The following PAM variants were observed in gnomAD, a reference collection of about 807,000 sequenced individuals.
PAM encodes the protein peptidyl-glycine alpha-amidating monooxygenase.
In PAM, 72 loss-of-function variants were observed where a neutral mutation model predicts 122.1. The ratio of observed to expected loss-of-function variants is 0.59; its 90% CI spans 0.49 to 0.72. PAM has a LOEUF of 0.72. PAM is among the 30% of genes least tolerant of loss of function. The probability of loss-of-function intolerance (pLI) is 0.00; values close to 1 mark genes in which losing one functional copy is unlikely to be tolerated. For missense variants in PAM, 1,106 were observed against 1,183.7 expected (o/e 0.93, Z 0.96); for synonymous variants, 389 against 404.4 (o/e 0.96, Z 0.46).
intron 21 of PAM, 88 bp from the exon 22 acceptor site, chr5:103,017,246 T>C (rs1782277961): frequency 2.3e-6 from 2 of 853,894 alleles, no homozygotes; most frequent in South Asian, 3.0e-5. Flanking sequence ...TGTTGTTTTG[T>C]TGTGGGCTTT....
intron 4 of PAM, among the ~76,000 whole-genome samples, chr5:102,901,658 C>T (rs918408987): frequency 1.3e-5 from 2 of 151,516 alleles, no homozygotes; most frequent in African/African-American, 4.8e-5. Flanking sequence ...TTGATGGCCG[C>T]CAATACTGTG....
chr5:103,017,332 A>T lies in PAM; in HGVS notation c.2332-2A>T, dbSNP rs1006675725. ...CTAATGTGTAGCTTCTTATTTTGGC[A>T]GCACTTTGATATGCCTCATGATATT... is the stretch of plus-strand genomic sequence containing the variant. On this transcript the variant is annotated splice_acceptor_variant, in intron 21 of 25. Coordinates refer to ENST00000438793, the MANE Select transcript of PAM (RefSeq NM_001177306.2). LOFTEE classifies it high-confidence loss of function. 1.3e-6 allele frequency: 2 copies of T among 1,593,644 alleles called. No homozygotes were observed. Among genetic ancestry groups the T allele is most frequent in the Non-Finnish European group, 1.7e-6 (2 of 1,161,804 alleles).
At chr5:102,788,477 G>C (rs1761179081) in intron 1 of PAM, among the ~76,000 whole-genome samples, 1 of 152,102 alleles carries the variant, frequency 6.6e-6, no homozygotes, top group Non-Finnish European at 1.5e-5. Flanking sequence ...CAGCTGGTCA[G>C]TAATTCACAT....
chr5:103,007,651 A>G lies in PAM; in HGVS notation c.2209A>G (p.Ile737Val), dbSNP rs1779435208. The change falls in exon 20 of 26, where the codon ATA (isoleucine) becomes GTA (valine). Residue 737 changes from isoleucine (I) to valine (V), a missense_variant. Physicochemically the swap from Ile to Val is conservative, Grantham distance 29 (BLOSUM62 3). Coordinates refer to ENST00000438793, the MANE Select transcript of PAM (RefSeq NM_001177306.2). ...FGRNVFAISYIPGLLFAVNGK... is the reference protein window; with the variant it reads ...FGRNVFAISYVPGLLFAVNGK... ...AAGAAATGTATTTGCAATTTCATAT[A>G]TACCAGGTATTTCATCTTAATATGT... is the stretch of plus-strand genomic sequence containing the variant. 2 of 1,567,420 alleles carry G rather than the reference A, an allele frequency of 1.3e-6. No individual in the cohort carries two copies.
rs1561748160 is a variant in PAM at position 102,882,110 on chromosome 5, T to TATATATACACAC, written c.210+14718_210+14719insTATATACACACA. Among the ~76,000 whole-genome samples the TATATATACACAC allele has an allele frequency of 2.1e-4, 22 of 103,784 alleles. 1 individual carries two copies. The highest frequency in any genetic ancestry group is 8.2e-4 in the African/African-American group (21 of 25,486). The allele number at this position is 103,784 out of a possible 152,430, so 68.1% of individuals were successfully genotyped here. A position where few individuals can be genotyped will look rare whatever the true frequency, so the allele number is the denominator to read the frequency against. ...ATATATATATATATATATATATATA[T>TATATATACACAC]ACACCACATTTTCTTTATCCACTCA... On this transcript the variant is annotated intron_variant, in intron 3 of 25. Transcript: ENST00000438793.
chr5:102,764,056 G>A (rs374495638), intron 1 of PAM, among the ~76,000 whole-genome samples: 19 of 152,010 alleles, frequency 1.2e-4, no homozygotes, highest in African/African-American at 4.1e-4. Flanking sequence ...AAGATAGATC[G>A]AAAGTGTTTT....
intron 16 of PAM, among the ~76,000 whole-genome samples, chr5:103,001,219 A>G (rs1057467529): frequency 1.1e-4 from 16 of 152,154 alleles, no homozygotes; most frequent in African/African-American, 3.9e-4. Context: ...AATAGTTATG[A>G]TGTTTTTAGT....
intron 1 of PAM, among the ~76,000 whole-genome samples, chr5:102,830,940 AG>A (rs2150427918): frequency 6.6e-6 from 1 of 152,292 alleles, no homozygotes; most frequent in Non-Finnish European, 1.5e-5. Context: ...CTGAGTTACA[AG>A]GTAACTCAGA....
chr5:103,007,143 A>G, intron 19 of PAM, 132 bp downstream of exon 19: 1 of 629,538 alleles, frequency 1.6e-6, no homozygotes, highest in Non-Finnish European at 2.8e-6. Context: ...GGGTCATTGT[A>G]TGCATCCAGT....
chr5:103,008,015 T>G lies in PAM; in HGVS notation c.2215+358T>G, dbSNP rs1668086603. 3.3e-5 allele frequency among the ~76,000 whole-genome samples: 5 copies of G among 152,206 alleles called. No individual in the cohort carries two copies. The South Asian group carries it at 1.0e-3, about 32-fold the overall frequency. On this transcript the variant is annotated intron_variant, in intron 20 of 25. Transcript: ENST00000438793. Reference sequence around the variant, plus strand: ...TGTCTGATAAAATCAGTATTCAAAATACTCATTTCACATTTTTAAAAACAG... The same window carrying G: ...TGTCTGATAAAATCAGTATTCAAAAGACTCATTTCACATTTTTAAAAACAG...
chr5:102,990,140 C>T (rs1046674649), intron 15 of PAM, 132 bp from the exon 16 acceptor site: 114 of 571,564 alleles, frequency 2.0e-4, no homozygotes, highest in Middle Eastern at 5.2e-4. Context: ...ATGTAGAGCA[C>T]GGCTTGATTG....
At chr5:102,887,423 A>T (rs566987774) in intron 3 of PAM, among the ~76,000 whole-genome samples, 5 of 152,060 alleles carry the variant, frequency 3.3e-5, no homozygotes, top group South Asian at 2.1e-4. Flanking sequence ...CCTTCCAGCC[A>T]CTAGAATCAT....
At chr5:102,925,193 A>G in intron 6 of PAM, 151 bp downstream of exon 6, 1 of 606,978 alleles carries the variant, frequency 1.6e-6, no homozygotes, top group Non-Finnish European at 3.0e-6. Flanking sequence ...TTTTGTATTG[A>G]AAAGGTTTCA....
At chr5:103,027,856 A>G (rs1052345066) in intron 24 of PAM, among the ~76,000 whole-genome samples, 7 of 152,202 alleles carry the variant, frequency 4.6e-5, no homozygotes, top group Non-Finnish European at 8.8e-5. Context: ...AGTGTTCTAA[A>G]TGTGTCACAT....
At chr5:102,908,272 C>G (rs1199530334) in intron 4 of PAM, among the ~76,000 whole-genome samples, 1 of 151,860 alleles carries the variant, frequency 6.6e-6, no homozygotes, top group Non-Finnish European at 1.5e-5. Flanking sequence ...TGTCAAAGAT[C>G]AGATAGTTGT....
intron 1 of PAM, chr5:102,807,942 G>C (rs1299276958): frequency 6.6e-6 from 1 of 152,164 alleles, no homozygotes; most frequent in Admixed American, 6.5e-5. Context: ...GAGTCCTCTT[G>C]CTCTGTGTCA....
intron 1 of PAM, among the ~76,000 whole-genome samples, chr5:102,783,391 A>C (rs1468443288): frequency 6.6e-6 from 1 of 152,198 alleles, no homozygotes; most frequent in African/African-American, 2.4e-5. Flanking sequence ...CTTCAATTTC[A>C]GTGAAAGCAA....
At chr5:102,978,141 A>G (rs1679099435) in intron 15 of PAM, among the ~76,000 whole-genome samples, 1 of 152,236 alleles carries the variant, frequency 6.6e-6, no homozygotes. Context: ...TTTGTGAGAC[A>G]GAGAATTTTC....
chr5:102,989,339 C>T (rs929139809), intron 15 of PAM, among the ~76,000 whole-genome samples: 9 of 151,918 alleles, frequency 5.9e-5, no homozygotes, highest in East Asian at 1.9e-4. Context: ...TGCCATCTCT[C>T]GAATAAATTT....
Sources: gnomAD v4.1 joint callset for allele counts (sites outside exome capture counted in the v4.1 genomes callset) on GRCh38, gnomAD v4.1.1 for gene constraint, MANE v1.5 for transcripts, NCBI Gene and HGNC (gene_info 2026-07-23, HGNC 2026-07-21) for gene names.